Variants in HDAC4 observed in about 807,000 individuals in gnomAD.
HDAC4 encodes histone deacetylase 4, also known as histone deacetylase A.
A neutral mutation model predicts 135.1 loss-of-function variants in HDAC4; 16 were observed. The observed-to-expected ratio is 0.12, with a 90% CI of 0.08 to 0.18. The LOEUF is 0.18. Among genes scored for constraint, HDAC4 ranks in the 10% least tolerant of loss-of-function variants. The probability of loss-of-function intolerance (pLI) is 1.00; values close to 1 mark genes in which losing one functional copy is unlikely to be tolerated. For missense variants in HDAC4, 1,143 were observed against 1,511.8 expected (o/e 0.76, Z 4.05); for synonymous variants, 685 against 653.4 (o/e 1.05, Z -0.74).
At chr2:239,183,430 A>G (rs1021726455) in intron 4 of HDAC4, among the ~76,000 whole-genome samples, 5 of 152,240 alleles carry the variant, frequency 3.3e-5, no homozygotes, top group Non-Finnish European at 7.3e-5. Context: ...GGGCGGCAGA[A>G]TGGACGCCAC....
chr2:239,227,984 A>T (rs2047338547), intron 3 of HDAC4, among the ~76,000 whole-genome samples: 1 of 152,186 alleles, frequency 6.6e-6, no homozygotes, highest in African/African-American at 2.4e-5. Context: ...TCCCAGCATC[A>T]GCTGGGCTGG....
In HDAC4 at chr2:239,153,073, G is replaced by C. The variant is rs975771594; in HGVS notation, c.733+3579C>G. 3.3e-5 allele frequency among the ~76,000 whole-genome samples: 5 copies of C among 152,324 alleles called. No individual in the cohort carries two copies. In the South Asian group the frequency reaches 1.0e-3, roughly 32 times the overall value. ...CTCAGGCACCTGGTCCTGCCCACAG[G>C]TGCAGGCGATGTGAATGCCCAGAAT... On this transcript the variant is annotated intron_variant, in intron 7 of 26. Coordinates refer to ENST00000543185, the MANE Select transcript of HDAC4 (RefSeq NM_001378414.1).
At chr2:239,121,788 G>T (rs79365253) in intron 12 of HDAC4, among the ~76,000 whole-genome samples, 1 of 152,206 alleles carries the variant, frequency 6.6e-6, no homozygotes, top group African/African-American at 2.4e-5. Context: ...TGGCACTGAC[G>T]CAGGCGCCTG....
At chr2:239,392,676 C>T (rs1388799635) in intron 1 of HDAC4, among the ~76,000 whole-genome samples, 1 of 152,234 alleles carries the variant, frequency 6.6e-6, no homozygotes, top group Non-Finnish European at 1.5e-5. Context: ...AACCCCTGAG[C>T]TTACGGGGCT....
At chr2:239,298,532 GTCA>G (rs771490633) in intron 2 of HDAC4, 2 of 1,028,344 alleles carry the variant, frequency 1.9e-6, no homozygotes, top group Non-Finnish European at 2.3e-6. Context: ...TCCTCATTTA[GTCA>G]TCATAGCCAC....
At chr2:239,091,617 AT>A (rs2036511161) in intron 17 of HDAC4, 1 of 152,092 alleles carries the variant, frequency 6.6e-6, no homozygotes, top group South Asian at 2.1e-4. Flanking sequence ...TTGCCACTTG[AT>A]AGACACCGCT....
chr2:239,060,838 G>A (rs1033105556), intron 24 of HDAC4, among the ~76,000 whole-genome samples: 1 of 152,260 alleles, frequency 6.6e-6, no homozygotes, highest in African/African-American at 2.4e-5. Context: ...CGTGTGGGAT[G>A]CACGCAGGCT....
At chr2:239,222,916 A>C (rs752192813) in intron 3 of HDAC4, among the ~76,000 whole-genome samples, 1 of 152,150 alleles carries the variant, frequency 6.6e-6, no homozygotes, top group Non-Finnish European at 1.5e-5. Context: ...ACCTCCTGGA[A>C]CACCACCACC....
intron 16 of HDAC4, among the ~76,000 whole-genome samples, chr2:239,099,866 C>A (rs1216034285): frequency 6.6e-6 from 1 of 152,250 alleles, no homozygotes; most frequent in Non-Finnish European, 1.5e-5. Context: ...TCCCAATGTT[C>A]TTTTGCCCTG....
chr2:239,169,074 G>A (rs751110670), intron 5 of HDAC4, among the ~76,000 whole-genome samples: 4 of 152,170 alleles, frequency 2.6e-5, no homozygotes, highest in Non-Finnish European at 4.4e-5. Flanking sequence ...TATTTTTATT[G>A]GAAGAGTCTG....
At chr2:239,372,490 ACG>A (rs1694693605) in intron 1 of HDAC4, among the ~76,000 whole-genome samples, 1 of 152,204 alleles carries the variant, frequency 6.6e-6, no homozygotes, top group Non-Finnish European at 1.5e-5. Context: ...CCGCGCACAC[ACG>A]CGCGCACACA....
At chr2:239,078,002 C>T (rs558851834) in intron 22 of HDAC4, among the ~76,000 whole-genome samples, 18 of 152,302 alleles carry the variant, frequency 1.2e-4, no homozygotes, top group African/African-American at 3.6e-4. Context: ...TGATAAACTT[C>T]GTAATATCAC....
intron 22 of HDAC4, among the ~76,000 whole-genome samples, chr2:239,078,197 G>A (rs1423328486): frequency 2.6e-5 from 4 of 152,198 alleles, no homozygotes; most frequent in African/African-American, 4.8e-5. Context: ...TCAAAGCCGC[G>A]TCTGGCACCG....
intron 2 of HDAC4, among the ~76,000 whole-genome samples, chr2:239,344,360 T>C (rs2125881528): frequency 6.6e-6 from 1 of 152,332 alleles, no homozygotes; most frequent in African/African-American, 2.4e-5. Flanking sequence ...TTTGCATTTC[T>C]ACAATAGTGG....
At chr2:239,109,478 C>T (rs759370282) in intron 14 of HDAC4, among the ~76,000 whole-genome samples, 1 of 152,176 alleles carries the variant, frequency 6.6e-6, no homozygotes, top group Non-Finnish European at 1.5e-5. Context: ...CTACAGGATA[C>T]ACTTGGTGCA....
Position 239,053,561 on chromosome 2 carries a change from C to T in HDAC4, c.3129G>A (p.Ala1043=), listed in dbSNP as rs764540172. Residue 1043 remains alanine, a synonymous_variant, in exon 26 of 27, where the codon GCG becomes GCA. Coordinates refer to ENST00000543185, the MANE Select transcript of HDAC4 (RefSeq NM_001378414.1). The part of the protein sequence containing the change: ...WRCLQRTTST[A]GRSLIEAQTC... ...TCTGAGCCTCGATCAGAGAACGCCC[C>T]GCTGTGGAGGTTGTGCGCTGCAGGC... 69 of 1,613,858 alleles carry T rather than the reference C, an allele frequency of 4.3e-5. 1 individual carries two copies. The highest frequency in any genetic ancestry group is 2.7e-4 in the South Asian group (25 of 91,078).
Position 239,167,241 on chromosome 2 carries a change from G to A in HDAC4, c.491-3318C>T, listed in dbSNP as rs999071403. ...GACAGCTGTTACTGTGGATCCACTG[G>A]CCCTCCACGGGGGAGGGTGCGCACT... On this transcript the variant is annotated intron_variant, in intron 5 of 26. Transcript: ENST00000543185. This position sits in a 1 kb window ranked among gnomAD's most constrained non-coding sequence, Gnocchi z 4.1. Among the ~76,000 whole-genome samples, 1 of 152,154 alleles carries A rather than the reference G, an allele frequency of 6.6e-6. No individual in the cohort carries two copies. Among genetic ancestry groups the A allele is most frequent in the Non-Finnish European group, 1.5e-5 (1 of 68,028 alleles).
At chr2:239,366,930 C>A (rs1694259919) in intron 1 of HDAC4, among the ~76,000 whole-genome samples, 1 of 149,122 alleles carries the variant, frequency 6.7e-6, no homozygotes, top group South Asian at 2.1e-4. Context: ...AACCACCATG[C>A]ACCCAAGCAC....
At position 239,306,012 on chromosome 2, in the gene HDAC4, C is replaced by G. The variant is rs548443202; in HGVS notation, c.22+46666G>C. Reference sequence around the variant, plus strand: ...GCAAGCACAGTGTCTGCGTCTCCCCCACGCTGAAATGATTCCTAGTGTCCT... The same window carrying G: ...GCAAGCACAGTGTCTGCGTCTCCCCGACGCTGAAATGATTCCTAGTGTCCT... On this transcript the variant is annotated intron_variant, in intron 2 of 26. Coordinates refer to ENST00000543185, the MANE Select transcript of HDAC4 (RefSeq NM_001378414.1). This position sits in a 1 kb window ranked among gnomAD's most constrained non-coding sequence, Gnocchi z 4.5. 2.0e-5 allele frequency among the ~76,000 whole-genome samples: 3 copies of G among 152,304 alleles called. No individual in the cohort carries two copies. The highest frequency in any genetic ancestry group is 2.1e-4 in the South Asian group (1 of 4,822).
Sources: gnomAD v4.1 joint callset for allele counts (sites outside exome capture counted in the v4.1 genomes callset) on GRCh38, gnomAD v4.1.1 for gene constraint, Gnocchi (gnomAD v3.1) non-coding constraint, MANE v1.5 for transcripts, NCBI Gene and HGNC (gene_info 2026-07-23, HGNC 2026-07-21) for gene names.